Variants in PLCG1 observed in about 807,000 individuals in gnomAD.
PLCG1 encodes the protein phospholipase C gamma 1, also known as 1-phosphatidylinositol 4,5-bisphosphate phosphodiesterase gamma-1.
In PLCG1, 71 loss-of-function variants were observed where a neutral mutation model predicts 177.8. The observed-to-expected ratio is 0.40, with a 90% CI of 0.33 to 0.49. PLCG1 has a LOEUF of 0.49. Ranked by LOEUF, PLCG1 falls within the 20% of genes least tolerant of loss-of-function variation. PLCG1 has a pLI of 0.72. For synonymous variants in PLCG1, 658 were observed against 647.9 expected (o/e 1.02, Z -0.24); for missense variants, 1,281 against 1,709.0 (o/e 0.75, Z 4.42).
At position 41,172,076 on chromosome 20, in the gene PLCG1, A is replaced by T. The variant is rs1217859174; in HGVS notation, c.2809-117A>T. On this transcript the variant is annotated intron_variant, in intron 24 of 31. Coordinates refer to ENST00000685551, the MANE Select transcript of PLCG1 (RefSeq NM_002660.3). The surrounding 1 kb of genome is among the most constrained non-coding windows in gnomAD (Gnocchi z 7.0). ...GTGTGGTGTCTGGAAGGTACAGGGG[A>T]AGGTGGGAGAGGGGCCCAGAGCACC... The T allele has an allele frequency of 1.3e-6, 1 of 767,746 alleles. No individual in the cohort carries two copies. Among genetic ancestry groups the T allele is most frequent in the Non-Finnish European group, 2.4e-6 (1 of 419,578 alleles). The allele number at this position is 767,746 out of a possible 1,614,324, so 47.6% of individuals were successfully genotyped here.
intron 20 of PLCG1, 42 bp from the exon 21 acceptor site, chr20:41,168,725 G>C: frequency 7.8e-7 from 1 of 1,277,390 alleles, no homozygotes; most frequent in Non-Finnish European, 1.1e-6. Context: ...GCAGTGGCAG[G>C]GAGAGCCTTT....
Position 41,144,065 on chromosome 20 carries a change from A to C in PLCG1, c.217+6207A>C, listed in dbSNP as rs531732249. Among the ~76,000 whole-genome samples, 82 of 152,320 alleles carry C rather than the reference A, an allele frequency of 5.4e-4. No homozygotes were observed. The highest frequency in any genetic ancestry group is 6.8e-3 in the Middle Eastern group (2 of 294). ...CTGTACACAGAGGACTGGGGCATCAAAAAACTCTGGAATTGGAATAGCATA... is the reference window on the plus strand; with the variant it reads ...CTGTACACAGAGGACTGGGGCATCACAAAACTCTGGAATTGGAATAGCATA... On this transcript the variant is annotated intron_variant, in intron 1 of 31. Coordinates refer to ENST00000685551, the MANE Select transcript of PLCG1 (RefSeq NM_002660.3). This position sits in a 1 kb window ranked among gnomAD's most constrained non-coding sequence, Gnocchi z 4.1.
At chr20:41,168,937 C>G in intron 21 of PLCG1, 67 bp downstream of exon 21, 2 of 1,204,218 alleles carry the variant, frequency 1.7e-6, no homozygotes, top group Middle Eastern at 2.6e-4. Context: ...CAAAGACATG[C>G]ATTTGTGATG....
At chr20:41,161,015 T>C (rs1199384434) in intron 4 of PLCG1, among the ~76,000 whole-genome samples, 2 of 152,034 alleles carry the variant, frequency 1.3e-5, no homozygotes, top group Non-Finnish European at 2.9e-5. Context: ...TGAGTTTAGG[T>C]ACATACACAG....
Position 41,167,422 on chromosome 20 carries a change from T to G in PLCG1, c.2302-430T>G, listed in dbSNP as rs1198404466. Among the ~76,000 whole-genome samples the G allele has an allele frequency of 6.6e-6, 1 of 152,112 alleles. No individual in the cohort carries two copies. The highest frequency in any genetic ancestry group is 1.5e-5 in the Non-Finnish European group (1 of 68,016). On this transcript the variant is annotated intron_variant, in intron 19 of 31. Coordinates refer to ENST00000685551, the MANE Select transcript of PLCG1 (RefSeq NM_002660.3). This position sits in a 1 kb window ranked among gnomAD's most constrained non-coding sequence, Gnocchi z 4.4. ...TGGCTGGGGAGAGAGAGGCCTGTTGTCCACTGGCACCTGGGACTCAAGTGA... is the reference window on the plus strand; with the variant it reads ...TGGCTGGGGAGAGAGAGGCCTGTTGGCCACTGGCACCTGGGACTCAAGTGA...
chr20:41,147,189 A>G lies in PLCG1; in HGVS notation c.217+9331A>G, dbSNP rs763971001. On this transcript the variant is annotated intron_variant, in intron 1 of 31. Transcript: ENST00000685551. The surrounding 1 kb of genome is among the most constrained non-coding windows in gnomAD (Gnocchi z 4.0). Reference sequence around the variant, plus strand: ...ATAATGTGCCTGTGTTAGCTTGTCCATCCTAACTGGGACTGTGGCCTTTTC... The same window carrying G: ...ATAATGTGCCTGTGTTAGCTTGTCCGTCCTAACTGGGACTGTGGCCTTTTC... 1.3e-5 allele frequency among the ~76,000 whole-genome samples: 2 copies of G among 152,184 alleles called. No individual in the cohort carries two copies. Among genetic ancestry groups the G allele is most frequent in the Non-Finnish European group, 2.9e-5 (2 of 68,032 alleles).
In PLCG1 at chr20:41,163,768, T is replaced by C. The variant is rs1157151410; in HGVS notation, c.945T>C (p.Asp315=). 5.0e-6 allele frequency: 8 copies of C among 1,613,264 alleles called. No individual in the cohort carries two copies. The highest frequency in any genetic ancestry group is 4.0e-5 in the African/African-American group (3 of 74,690). ...KENSVWNSQL[D]AVCPDTMNNP... ...ACAGTGTGTGGAACTCGCAGCTGGA[T>C]GCAGTATGCCCGGACACCATGAACA... is the stretch of plus-strand genomic sequence containing the variant. Residue 315 remains aspartate, a synonymous_variant, in exon 10 of 32, where the codon GAT becomes GAC. Coordinates refer to ENST00000685551, the MANE Select transcript of PLCG1 (RefSeq NM_002660.3). The surrounding 1 kb of genome is among the most constrained non-coding windows in gnomAD (Gnocchi z 5.2).
At chr20:41,168,625 G>T in intron 20 of PLCG1, 142 bp from the exon 21 acceptor site, 1 of 623,334 alleles carries the variant, frequency 1.6e-6, no homozygotes, top group Non-Finnish European at 3.0e-6. Flanking sequence ...TATAACTAGG[G>T]CCTGTTGATG....
Position 41,169,064 on chromosome 20 carries a change from C to CT in PLCG1, c.2484-14dup. ...GGGGTGGTTGCTGGAGGTCAGCACC[C>CT]TGTGGCTCCCACAGGTGGCGAGGGG... On this transcript the variant is annotated splice_polypyrimidine_tract_variant and intron_variant, in intron 21 of 31. Coordinates refer to ENST00000685551, the MANE Select transcript of PLCG1 (RefSeq NM_002660.3). The CT allele has an allele frequency of 6.2e-7, 1 of 1,604,938 alleles. No individual in the cohort carries two copies. Among genetic ancestry groups the CT allele is most frequent in the Non-Finnish European group, 8.5e-7 (1 of 1,171,670 alleles).
chr20:41,168,630 T>C, intron 20 of PLCG1, 137 bp from the exon 21 acceptor site: 4 of 632,080 alleles, frequency 6.3e-6, no homozygotes, highest in Non-Finnish European at 1.2e-5. Context: ...CTAGGGCCTG[T>C]TGATGGCAGT....
At chr20:41,155,558 T>A (rs1019441695) in intron 1 of PLCG1, among the ~76,000 whole-genome samples, 1 of 151,828 alleles carries the variant, frequency 6.6e-6, no homozygotes, top group Non-Finnish European at 1.5e-5. Context: ...TCTGTAAGAG[T>A]CCCCCTTCTC....
At chr20:41,149,128 C>T (rs1270712952) in intron 1 of PLCG1, among the ~76,000 whole-genome samples, 2 of 152,226 alleles carry the variant, frequency 1.3e-5, no homozygotes, top group African/African-American at 4.8e-5. Flanking sequence ...TGCTGTTGCT[C>T]ATCGTCTCTT....
rs376044476 is a variant in PLCG1, at chr20:41,163,178, G to A, written c.717-25G>A. 3.3e-5 allele frequency: 51 copies of A among 1,548,314 alleles called. No individual in the cohort carries two copies. The highest frequency in any genetic ancestry group is 4.2e-5 in the Non-Finnish European group (48 of 1,148,876). ...ACCTTGTTGTCTGTTGACCATACTA[G>A]CTAGCTTACCTTCTCTCCCTGCAGG... is the stretch of plus-strand genomic sequence containing the variant. On this transcript the variant is annotated intron_variant, in intron 7 of 31. Coordinates refer to ENST00000685551, the MANE Select transcript of PLCG1 (RefSeq NM_002660.3). The surrounding 1 kb of genome is among the most constrained non-coding windows in gnomAD (Gnocchi z 5.2).
In PLCG1 at chr20:41,165,359, G is replaced by A. The variant is rs2035646558; in HGVS notation, c.1501G>A (p.Val501Met). The A allele has an allele frequency of 6.2e-7, 1 of 1,614,112 alleles. No individual in the cohort carries two copies. The highest frequency in any genetic ancestry group is 1.3e-5 in the African/African-American group (1 of 74,948). ...KNGILYLEDPVNHEWYPHYFV... is the reference protein window; with the variant it reads ...KNGILYLEDPMNHEWYPHYFV... ...TGGCATCCTCTACCTGGAGGACCCTGTGAACCACGTGAGGACTGGGCCAGG... is the reference window on the plus strand; with the variant it reads ...TGGCATCCTCTACCTGGAGGACCCTATGAACCACGTGAGGACTGGGCCAGG... Residue 501 changes from valine to methionine, a missense_variant, in exon 14 of 32, where the codon GTG (valine) becomes ATG (methionine). Coordinates refer to ENST00000685551, the MANE Select transcript of PLCG1 (RefSeq NM_002660.3). The surrounding 1 kb of genome is among the most constrained non-coding windows in gnomAD (Gnocchi z 6.6).
Position 41,163,948 on chromosome 20 carries a change from T to C in PLCG1, c.1038T>C (p.Ser346=), listed in dbSNP as rs143730869. Residue 346 remains serine, a synonymous_variant, in exon 11 of 32, where the codon AGT becomes AGC. Coordinates refer to ENST00000685551, the MANE Select transcript of PLCG1 (RefSeq NM_002660.3). The surrounding 1 kb of genome is among the most constrained non-coding windows in gnomAD (Gnocchi z 5.2). The part of the protein sequence containing the change: ...NTYLTGDQFS[S]ESSLEAYARC... ...ACCTGACCGGGGACCAGTTCTCCAGTGAGTCCTCCTTGGAAGCCTATGCTC... is the reference window on the plus strand; with the variant it reads ...ACCTGACCGGGGACCAGTTCTCCAGCGAGTCCTCCTTGGAAGCCTATGCTC... 9.3e-6 allele frequency: 15 copies of C among 1,614,030 alleles called. No homozygotes were observed. Among genetic ancestry groups the C allele is most frequent in the Middle Eastern group, 3.3e-4 (2 of 6,084 alleles).
intron 24 of PLCG1, among the ~76,000 whole-genome samples, chr20:41,171,210 C>T (rs532156190): frequency 2.0e-5 from 3 of 152,204 alleles, no homozygotes; most frequent in East Asian, 1.9e-4. Flanking sequence ...AGGCTGTCCC[C>T]TAGAAGGAAA....
In PLCG1 at chr20:41,167,967, G is replaced by A. The variant is rs1215750348; in HGVS notation, c.2379+38G>A. On this transcript the variant is annotated intron_variant, in intron 20 of 31. Coordinates refer to ENST00000685551, the MANE Select transcript of PLCG1 (RefSeq NM_002660.3). This position sits in a 1 kb window ranked among gnomAD's most constrained non-coding sequence, Gnocchi z 4.4. ...CCTCTGGGCATAGGAAGCTGGGGAGGGTCCCCAGCTGCTTGGGGCTTCATT... is the reference window on the plus strand; with the variant it reads ...CCTCTGGGCATAGGAAGCTGGGGAGAGTCCCCAGCTGCTTGGGGCTTCATT... 7.4e-7 allele frequency: 1 copy of A among 1,356,880 alleles called. No homozygotes were observed. The highest frequency in any genetic ancestry group is 1.1e-6 in the Non-Finnish European group (1 of 946,408). The allele number at this position is 1,356,880 out of a possible 1,614,324, so 84.1% of individuals were successfully genotyped here.
chr20:41,168,269 T>C (rs2035769862), intron 20 of PLCG1, among the ~76,000 whole-genome samples: 1 of 152,144 alleles, frequency 6.6e-6, no homozygotes, highest in African/African-American at 2.4e-5. Context: ...CAGGTTCTTT[T>C]TTGTTTTGCC....
rs780037190 is a variant in PLCG1, at chr20:41,162,658, G to A, written c.614G>A (p.Ser205Asn). 9 of 1,614,056 alleles carry A rather than the reference G, an allele frequency of 5.6e-6. No homozygotes were observed. The highest frequency in any genetic ancestry group is 1.7e-5 in the Admixed American group (1 of 60,018). ...ACCATGCAGGACCTGGAGCAGCGCAGCGGGGACATCACCTACGGGCAGTTT... is the reference window on the plus strand; with the variant it reads ...ACCATGCAGGACCTGGAGCAGCGCAACGGGGACATCACCTACGGGCAGTTT... ...RERLTDLEQR[S>N]GDITYGQFAQ... Residue 205 changes from serine (S) to asparagine (N), a missense_variant, in exon 6 of 32, where the codon AGC becomes AAC. Coordinates refer to ENST00000685551, the MANE Select transcript of PLCG1 (RefSeq NM_002660.3).
Sources: allele counts gnomAD v4.1 joint callset (sites outside exome capture counted in the v4.1 genomes callset), GRCh38; gene constraint gnomAD v4.1.1; non-coding constraint Gnocchi (gnomAD v3.1); transcripts MANE v1.5; gene names NCBI Gene and HGNC (gene_info 2026-07-23, HGNC 2026-07-21).